Variants in MYOM1 observed in about 807,000 individuals in gnomAD.
MYOM1 encodes myomesin 1.
MYOM1 carries 164 observed loss-of-function variants against 205.3 expected under a neutral mutation model. The observed-to-expected ratio is 0.80, with a 90% CI of 0.70 to 0.91. MYOM1 has a LOEUF of 0.91. MYOM1 is among the 40% of genes least tolerant of loss of function. The pLI is 0.00. For synonymous variants in MYOM1, 772 were observed against 789.4 expected (o/e 0.98, Z 0.37); for missense variants, 2,011 against 2,127.3 (o/e 0.95, Z 1.08).
At chr18:3,130,699 G>A (rs972964269) in intron 17 of MYOM1, among the ~76,000 whole-genome samples, 13 of 151,738 alleles carry the variant, frequency 8.6e-5, no homozygotes, top group Non-Finnish European at 1.8e-4. Flanking sequence ...CAAGCAATCT[G>A]CCTGCCTCTC....
At chr18:3,072,826 G>A (rs1261255995) in intron 36 of MYOM1, among the ~76,000 whole-genome samples, 1 of 152,052 alleles carries the variant, frequency 6.6e-6, no homozygotes, top group East Asian at 1.9e-4. Context: ...AGCTTAGTAG[G>A]GCTAAGCTCA....
intron 1 of MYOM1, among the ~76,000 whole-genome samples, chr18:3,216,228 C>T (rs972246965): frequency 2.0e-5 from 3 of 152,216 alleles, no homozygotes; most frequent in Admixed American, 2.0e-4. Context: ...GGTTGCGCCA[C>T]TGCACTCCAT....
At chr18:3,113,729 C>T (rs1400714334) in intron 21 of MYOM1, among the ~76,000 whole-genome samples, 1 of 104,754 alleles carries the variant, frequency 9.5e-6, no homozygotes, top group Non-Finnish European at 2.0e-5. Flanking sequence ...ATTTTAAAAA[C>T]ATGTGACTTT....
intron 35 of MYOM1, 72 bp downstream of exon 35, chr18:3,075,653 G>T: frequency 6.6e-7 from 1 of 1,515,110 alleles, no homozygotes; most frequent in South Asian, 1.1e-5. Context: ...AACACTCAGA[G>T]GGGCGAGCAG....
At chr18:3,187,959 C>T (rs1185504040) in intron 4 of MYOM1, among the ~76,000 whole-genome samples, 1 of 149,984 alleles carries the variant, frequency 6.7e-6, no homozygotes, top group East Asian at 1.9e-4. Flanking sequence ...GTGCCTCAGC[C>T]TCCCGAGTAG....
At chr18:3,178,393 G>A (rs2080680847) in intron 5 of MYOM1, among the ~76,000 whole-genome samples, 1 of 152,214 alleles carries the variant, frequency 6.6e-6, no homozygotes, top group Non-Finnish European at 1.5e-5. Flanking sequence ...TGAACCGGCA[G>A]CCTGGCTGCT....
At chr18:3,167,232 G>GTC (rs1218856264) in intron 9 of MYOM1, among the ~76,000 whole-genome samples, 4 of 152,170 alleles carry the variant, frequency 2.6e-5, no homozygotes, top group African/African-American at 9.7e-5. Context: ...AGGTCTGGAG[G>GTC]TCTCCCGTGG....
chr18:3,090,489 G>C (rs1163436274), intron 27 of MYOM1, among the ~76,000 whole-genome samples, 169 bp downstream of exon 27: 1 of 151,976 alleles, frequency 6.6e-6, no homozygotes, highest in African/African-American at 2.4e-5. Flanking sequence ...CAAAGTGCTG[G>C]GATTATAGGC....
intron 2 of MYOM1, among the ~76,000 whole-genome samples, 179 bp downstream of exon 2, chr18:3,214,755 A>G (rs952868677): frequency 6.6e-6 from 1 of 152,124 alleles, no homozygotes; most frequent in Non-Finnish European, 1.5e-5. Flanking sequence ...CCCAGGAGGC[A>G]GCAGAGGTTG....
intron 16 of MYOM1, among the ~76,000 whole-genome samples, chr18:3,132,116 G>GTATA (rs1567923646): frequency 1.5e-5 from 1 of 68,472 alleles, no homozygotes; most frequent in Non-Finnish European, 3.0e-5. Flanking sequence ...ATATATGTGT[G>GTATA]TGTATATATA....
chr18:3,177,267 G>C (rs900323881), intron 5 of MYOM1, among the ~76,000 whole-genome samples: 13 of 151,860 alleles, frequency 8.6e-5, no homozygotes, highest in Non-Finnish European at 1.9e-4. Flanking sequence ...AAACAAATAA[G>C]CTTTTTAAAA....
chr18:3,223,447 T>A (rs1164543635), upstream of MYOM1, among the ~76,000 whole-genome samples: 1 of 152,240 alleles, frequency 6.6e-6, no homozygotes, highest in Non-Finnish European at 1.5e-5. Context: ...ACTTCAGTGT[T>A]GACTAATTTA....
chr18:3,190,274 C>T (rs948914600), intron 3 of MYOM1: 2 of 152,184 alleles, frequency 1.3e-5, no homozygotes, highest in African/African-American at 4.8e-5. Context: ...GTATTGATTA[C>T]ATCGAAGATT....
At chr18:3,071,287 G>T (rs1453079279) in intron 37 of MYOM1, among the ~76,000 whole-genome samples, 4 of 152,138 alleles carry the variant, frequency 2.6e-5, no homozygotes, top group Non-Finnish European at 5.9e-5. Context: ...GATACTAAGT[G>T]GTCTACATAT....
At chr18:3,160,028 C>A (rs1297862071) in intron 10 of MYOM1, among the ~76,000 whole-genome samples, 3 of 149,838 alleles carry the variant, frequency 2.0e-5, no homozygotes, top group African/African-American at 7.4e-5. Flanking sequence ...TCTTCTCCTT[C>A]TCCTCTTCCT....
intron 26 of MYOM1, among the ~76,000 whole-genome samples, chr18:3,091,267 G>A (rs1292209579): frequency 6.6e-6 from 1 of 151,878 alleles, no homozygotes; most frequent in Admixed American, 6.6e-5. Context: ...AGTGAGCCGA[G>A]ATCGCACCAT....
At chr18:3,214,814 G>C (rs945996062) in intron 2 of MYOM1, 120 bp downstream of exon 2, 12 of 1,149,278 alleles carry the variant, frequency 1.0e-5, no homozygotes, top group Non-Finnish European at 1.4e-5. Flanking sequence ...CAACAAGAGC[G>C]AAACTCTGTC....
intron 19 of MYOM1, among the ~76,000 whole-genome samples, chr18:3,124,877 A>T (rs529352135): frequency 3.4e-4 from 52 of 152,360 alleles, no homozygotes; most frequent in African/African-American, 9.1e-4. Context: ...TATGACTACA[A>T]TGAATTTGAC....
At position 3,093,233 on chromosome 18, in the gene MYOM1, T is replaced by C. The variant is rs550864031; in HGVS notation, c.3864+937A>G. Among the ~76,000 whole-genome samples, 55 of 152,292 alleles carry C rather than the reference T, an allele frequency of 3.6e-4. 1 individual carries two copies. Among genetic ancestry groups the C allele is most frequent in the Admixed American group, 1.2e-3 (19 of 15,296 alleles). The stretch of plus-strand genomic sequence containing the variant: ...TCTCAGTGAAAAGGGAAAGGGTTGC[T>C]ACTAATGGCCACAAACCACACCTCC... On this transcript the variant is annotated intron_variant, in intron 26 of 37. Transcript: ENST00000356443.
Sources: allele counts gnomAD v4.1 joint callset (sites outside exome capture counted in the v4.1 genomes callset), GRCh38; gene constraint gnomAD v4.1.1; transcripts MANE v1.5; gene names NCBI Gene and HGNC (gene_info 2026-07-23, HGNC 2026-07-21).